Variants in SIAH1 observed in about 807,000 individuals in gnomAD.
SIAH1 encodes the protein E3 ubiquitin-protein ligase SIAH1.
In SIAH1, 2 loss-of-function variants were observed where a neutral mutation model predicts 20.0. That is an observed-to-expected ratio of 0.10 (90% CI 0.04 to 0.31). The LOEUF (loss-of-function observed/expected upper bound fraction) is 0.31. SIAH1 is among the 10% of genes least tolerant of loss of function. The pLI, the probability that SIAH1 is intolerant of heterozygous loss-of-function variation, is 1.00. For missense variants in SIAH1, 119 were observed against 355.3 expected (o/e 0.33, Z 5.35); for synonymous variants, 118 against 125.3 (o/e 0.94, Z 0.39).
In SIAH1 at chr16:48,362,448, G is replaced by A. The variant is rs1960629043; in HGVS notation, c.-2-18C>T. 1.9e-6 allele frequency: 3 copies of A among 1,610,376 alleles called. No homozygotes were observed. The highest frequency in any genetic ancestry group is 4.5e-5 in the East Asian group (2 of 44,818). ...GCTCATTTCTGAAATAAATACATAAGGAGGCAGGAGAAAAATAATTATAAC... is the reference window on the plus strand; with the variant it reads ...GCTCATTTCTGAAATAAATACATAAAGAGGCAGGAGAAAAATAATTATAAC... On this transcript the variant is annotated intron_variant, in intron 1 of 1. Coordinates refer to ENST00000394725, the MANE Select transcript of SIAH1 (RefSeq NM_003031.4). The surrounding 1 kb of genome is among the most constrained non-coding windows in gnomAD (Gnocchi z 4.2).
chr16:48,377,848 C>T (rs1173801564), intron 1 of SIAH1, among the ~76,000 whole-genome samples: 5 of 151,980 alleles, frequency 3.3e-5, no homozygotes, highest in Non-Finnish European at 5.9e-5. Context: ...GAGGCCGAGG[C>T]GGCAGGATTG....
chr16:48,369,365 C>CAAAT (rs1239859701), intron 1 of SIAH1, among the ~76,000 whole-genome samples: 1 of 152,164 alleles, frequency 6.6e-6, no homozygotes, highest in Non-Finnish European at 1.5e-5. Flanking sequence ...AGAGGAAAGG[C>CAAAT]AAATCCCGAC....
chr16:48,372,767 C>T (rs1342823930), intron 1 of SIAH1, among the ~76,000 whole-genome samples: 3 of 152,116 alleles, frequency 2.0e-5, no homozygotes, highest in Admixed American at 6.5e-5. Context: ...AGAACCTGCC[C>T]GGTAACAGTC....
In SIAH1 at chr16:48,362,561, T is replaced by C. The variant is rs992765952; in HGVS notation, c.-2-131A>G. 15 of 874,700 alleles carry C rather than the reference T, an allele frequency of 1.7e-5. No individual in the cohort carries two copies. The highest frequency in any genetic ancestry group is 5.7e-5 in the Admixed American group (2 of 34,958). 54.2% of individuals were successfully genotyped at this position (874,700 alleles called of 1,614,324 possible). A position where few individuals can be genotyped will look rare whatever the true frequency, so the allele number is the denominator to read the frequency against. ...TTACTGAGCAAAAGAGGAAGAAAAA[T>C]AGGATTAAAAAAGATATTAAAAAAA... On this transcript the variant is annotated intron_variant, in intron 1 of 1. Coordinates refer to ENST00000394725, the MANE Select transcript of SIAH1 (RefSeq NM_003031.4). The surrounding 1 kb of genome is among the most constrained non-coding windows in gnomAD (Gnocchi z 4.2).
intron 1 of SIAH1, among the ~76,000 whole-genome samples, chr16:48,384,505 C>G (rs941994825): frequency 6.6e-6 from 1 of 152,186 alleles, no homozygotes; most frequent in Non-Finnish European, 1.5e-5. Flanking sequence ...TTATAATAAG[C>G]TAGAGCTTCC....
upstream of SIAH1, among the ~76,000 whole-genome samples, chr16:48,386,802 C>T (rs949459849): frequency 1.3e-5 from 2 of 152,134 alleles, no homozygotes; most frequent in African/African-American, 4.8e-5. Context: ...GGAGTTCTGT[C>T]CTGGGCGAGG....
chr16:48,372,026 G>GA (rs553888332), intron 1 of SIAH1, among the ~76,000 whole-genome samples: 19 of 151,754 alleles, frequency 1.3e-4, no homozygotes, highest in Non-Finnish European at 2.4e-4. Context: ...CACACACAGA[G>GA]AAAAAAATTT....
chr16:48,370,710 G>T (rs1043345122), intron 1 of SIAH1, among the ~76,000 whole-genome samples: 4 of 151,826 alleles, frequency 2.6e-5, no homozygotes, highest in African/African-American at 9.7e-5. Flanking sequence ...GGAGACTGAG[G>T]CAGGAGAATG....
At chr16:48,367,991 T>C (rs532505934) in intron 1 of SIAH1, among the ~76,000 whole-genome samples, 1 of 152,220 alleles carries the variant, frequency 6.6e-6, no homozygotes, top group Non-Finnish European at 1.5e-5. Flanking sequence ...AATGTTGTCT[T>C]AGTAATTTCA....
chr16:48,381,813 T>G (rs943974879), intron 1 of SIAH1, among the ~76,000 whole-genome samples: 1 of 152,210 alleles, frequency 6.6e-6, no homozygotes, highest in Admixed American at 6.5e-5. Context: ...ATGTATGTCA[T>G]TATGTATTTG....
intron 1 of SIAH1, among the ~76,000 whole-genome samples, chr16:48,384,530 A>G (rs191550754): frequency 3.9e-4 from 60 of 152,316 alleles, no homozygotes; most frequent in African/African-American, 1.3e-3. Flanking sequence ...CACGCCGTTC[A>G]CGCGCTCTCC....
At chr16:48,386,325 G>A (rs552454289), upstream of SIAH1, among the ~76,000 whole-genome samples, 3 of 152,230 alleles carry the variant, frequency 2.0e-5, no homozygotes, top group East Asian at 5.8e-4. Context: ...TGGCCAACAT[G>A]GTGAAACCCT....
At chr16:48,371,390 A>G (rs1053253047) in intron 1 of SIAH1, among the ~76,000 whole-genome samples, 2 of 152,256 alleles carry the variant, frequency 1.3e-5, no homozygotes, top group Admixed American at 6.5e-5. Context: ...TGGAATATTT[A>G]ATTTGGCATT....
Position 48,362,338 on chromosome 16 carries a change from A to T in SIAH1, c.91T>A (p.Ser31Thr), listed in dbSNP as rs1452764782. ...AAAAGACTCGCCAAGTCATTGTTGGATGCAGTTGTGCCAGTCAGGGCAGGC... is the reference window on the plus strand; with the variant it reads ...AAAAGACTCGCCAAGTCATTGTTGGTTGCAGTTGTGCCAGTCAGGGCAGGC... Reference protein sequence around the residue: ...RVPALTGTTASNNDLASLFEC... With the variant: ...RVPALTGTTATNNDLASLFEC... Residue 31 changes from serine to threonine, a missense_variant, in exon 2 of 2, where the codon TCC becomes ACC. Around this residue, in one of 2 missense-constraint regions of SIAH1, gnomAD observed 35 missense variants for 47.5 expected, o/e 0.74. Coordinates refer to ENST00000394725, the MANE Select transcript of SIAH1 (RefSeq NM_003031.4). This position sits in a 1 kb window ranked among gnomAD's most constrained non-coding sequence, Gnocchi z 4.2. The T allele has an allele frequency of 6.2e-7, 1 of 1,614,202 alleles. No homozygotes were observed. Among genetic ancestry groups the T allele is most frequent in the East Asian group, 2.2e-5 (1 of 44,874 alleles).
chr16:48,366,211 A>G (rs1224951747), intron 1 of SIAH1, among the ~76,000 whole-genome samples: 1 of 152,142 alleles, frequency 6.6e-6, no homozygotes, highest in Non-Finnish European at 1.5e-5. Flanking sequence ...GAATATCGGC[A>G]GTTTCTTATG....
intron 1 of SIAH1, among the ~76,000 whole-genome samples, chr16:48,384,362 C>T (rs1178638306): frequency 2.6e-5 from 4 of 152,132 alleles, no homozygotes; most frequent in Non-Finnish European, 5.9e-5. Context: ...TGTATCTTTC[C>T]AGGAACGGGC....
intron 1 of SIAH1, chr16:48,365,928 G>A (rs537581369): frequency 3.0e-5 from 37 of 1,219,218 alleles, no homozygotes; most frequent in Non-Finnish European, 3.6e-5. Flanking sequence ...AGCCTCGGCC[G>A]GGGCTGGGCC....
rs1192676401 is a variant in SIAH1 at position 48,361,174 on chromosome 16, A to C, written c.*406T>G. On this transcript the variant is annotated 3_prime_UTR_variant, in exon 2 of 2. Transcript: ENST00000394725. ...ACAAAGGGAAAAGCAGTGGCCCATG[A>C]CCACTCAAGATGGCTTGTCAGTTAA... The C allele has an allele frequency of 5.3e-6, 1 of 190,110 alleles. No individual in the cohort carries two copies. The highest frequency in any genetic ancestry group is 5.4e-5 in the Admixed American group (1 of 18,460). The allele number at this position is 190,110 out of a possible 1,614,324, so 11.8% of individuals were successfully genotyped here.
At chr16:48,365,853 A>T in intron 1 of SIAH1, 1 of 1,250,420 alleles carries the variant, frequency 8.0e-7, no homozygotes, top group East Asian at 3.0e-5. Context: ...GCTGAGAAGG[A>T]AGTGCGCTCC....
Sources: gnomAD v4.1 joint callset for allele counts (sites outside exome capture counted in the v4.1 genomes callset) on GRCh38, gnomAD v4.1.1 for gene constraint, gnomAD v4.1.1 regional missense constraint, Gnocchi (gnomAD v3.1) non-coding constraint, MANE v1.5 for transcripts, NCBI Gene and HGNC (gene_info 2026-07-23, HGNC 2026-07-21) for gene names.